MYOM2: variants seen among roughly 807,000 people sequenced by gnomAD.
The protein encoded by MYOM2 is myomesin-2.
Under a neutral mutation model 187.6 loss-of-function variants are expected in MYOM2, and 254 were observed. That is an observed-to-expected ratio of 1.35 (90% confidence interval 1.22 to 1.50). MYOM2 has a LOEUF of 1.50. Ranked by LOEUF, MYOM2 falls within the 40% of genes most tolerant of loss-of-function variation. The probability of loss-of-function intolerance (pLI) is 0.00; values close to 1 mark genes in which losing one functional copy is unlikely to be tolerated. For synonymous variants in MYOM2, 981 were observed against 753.8 expected, an observed-to-expected ratio of 1.30 and a Z score of -4.94; for missense variants, 2,796 against 1,924.0, an observed-to-expected ratio of 1.45 and a Z score of -8.48.
At chr8:2,120,689 A>ATATATAT in intron 28 of MYOM2, among the ~76,000 whole-genome samples, 7 of 42,414 alleles carry the variant, frequency 1.7e-4, no homozygotes, top group South Asian at 6.6e-4. Flanking sequence ...ATTATATATA[A>ATATATAT]ATATATAATA....
chr8:2,090,860 A>T (rs1796278161), intron 15 of MYOM2, among the ~76,000 whole-genome samples: 2 of 152,122 alleles, frequency 1.3e-5, no homozygotes, highest in Admixed American at 1.3e-4. Context: ...TTCTCTATCC[A>T]ATGTCATTGA....
At chr8:2,061,438 C>G (rs889044486) in intron 6 of MYOM2, among the ~76,000 whole-genome samples, 3 of 152,184 alleles carry the variant, frequency 2.0e-5, no homozygotes, top group African/African-American at 4.8e-5. Flanking sequence ...GTGCCCTCCC[C>G]CAGCATCCTT....
At chr8:2,083,686 T>A (rs1369465790) in intron 13 of MYOM2, among the ~76,000 whole-genome samples, 1 of 152,186 alleles carries the variant, frequency 6.6e-6, no homozygotes, top group African/African-American at 2.4e-5. Flanking sequence ...TGCTTCCCTC[T>A]CCCTGGCTCG....
intron 13 of MYOM2, among the ~76,000 whole-genome samples, chr8:2,082,532 C>A (rs933988746): frequency 5.3e-5 from 8 of 152,190 alleles, no homozygotes; most frequent in Admixed American, 4.6e-4. Context: ...GAGTTTTTCT[C>A]ACCATTTTAA....
chr8:2,138,410 C>T (rs995702018), intron 32 of MYOM2, among the ~76,000 whole-genome samples: 2 of 152,254 alleles, frequency 1.3e-5, no homozygotes, highest in Middle Eastern at 3.4e-3. Context: ...CGTGAGGCTC[C>T]CAGGTCAGCA....
intron 3 of MYOM2, 57 bp from the exon 4 acceptor site, chr8:2,057,291 G>C (rs1384104656): frequency 6.4e-7 from 1 of 1,554,096 alleles, no homozygotes; most frequent in African/African-American, 1.4e-5. Context: ...GGCCTTCGGG[G>C]GCCACGTGGT....
intron 27 of MYOM2, 80 bp downstream of exon 27, chr8:2,116,355 T>C (rs1797245525): frequency 2.9e-6 from 4 of 1,392,462 alleles, no homozygotes; most frequent in Non-Finnish European, 4.0e-6. Flanking sequence ...GAAGCAGATC[T>C]TGCATGATCC....
At chr8:2,139,134 A>G (rs554476613) in intron 32 of MYOM2, among the ~76,000 whole-genome samples, 2 of 151,924 alleles carry the variant, frequency 1.3e-5, no homozygotes, top group South Asian at 2.1e-4. Flanking sequence ...AGAGCCAAGC[A>G]TTTATTTTTA....
rs149971827 is a variant in MYOM2, at chr8:2,057,770, G to T, written c.550G>T (p.Val184Leu). The T allele has an allele frequency of 2.5e-6, 4 of 1,614,040 alleles. No individual in the cohort carries two copies. Among genetic ancestry groups the T allele is most frequent in the African/African-American group, 2.7e-5 (2 of 75,040 alleles). Residue 184 changes from valine to leucine, a missense_variant, in exon 5 of 37, where the codon GTG becomes TTG. Val to Leu is a conservative substitution (Grantham distance 32). Transcript: ENST00000262113. ...CACCGTGCAAGGATTTCCCACGCCC[G>T]TGGTGCAGTGGTGAGGGGCTCTGTT... ...CFTVQGFPTP[V>L]VQWYKDGSLI...
intron 32 of MYOM2, among the ~76,000 whole-genome samples, chr8:2,132,899 C>G (rs995760922): frequency 6.6e-6 from 1 of 152,218 alleles, no homozygotes; most frequent in Non-Finnish European, 1.5e-5. Context: ...GACACCTTCC[C>G]CGGCACATCT....
intron 1 of MYOM2, among the ~76,000 whole-genome samples, chr8:2,050,417 T>C (rs1818444239): frequency 6.6e-6 from 1 of 152,246 alleles, no homozygotes; most frequent in Admixed American, 6.5e-5. Context: ...TCTGCTTTAA[T>C]TATTTTTGTA....
chr8:2,087,126 G>C (rs569187867), intron 14 of MYOM2, among the ~76,000 whole-genome samples: 1 of 152,162 alleles, frequency 6.6e-6, no homozygotes, highest in Admixed American at 6.5e-5. Context: ...ACTTGGTGAC[G>C]ACCCCCTGTT....
At chr8:2,142,004 G>T (rs183484869) in intron 34 of MYOM2, among the ~76,000 whole-genome samples, 1 of 151,734 alleles carries the variant, frequency 6.6e-6, no homozygotes, top group African/African-American at 2.4e-5. Context: ...TGGGTGCAGG[G>T]ATGAGCAAGA....
At chr8:2,089,922 G>C in intron 14 of MYOM2, 86 bp from the exon 15 acceptor site, 3 of 1,340,576 alleles carry the variant, frequency 2.2e-6, no homozygotes, top group Non-Finnish European at 3.1e-6. Flanking sequence ...CTGGGATAGC[G>C]AGAACAGAGC....
chr8:2,058,447 G>A (rs771623147), intron 5 of MYOM2, among the ~76,000 whole-genome samples: 28 of 152,230 alleles, frequency 1.8e-4, no homozygotes, highest in Non-Finnish European at 3.2e-4. Flanking sequence ...AAACTCATAA[G>A]TGGAAAGCAT....
intron 15 of MYOM2, among the ~76,000 whole-genome samples, 155 bp from the exon 16 acceptor site, chr8:2,092,191 G>A (rs552727170): frequency 1.4e-4 from 22 of 151,908 alleles, no homozygotes; most frequent in South Asian, 4.2e-4. Flanking sequence ...TGGTCGGCCC[G>A]GGGCTCCTCT....
At chr8:2,113,387 G>A (rs3779830) in intron 25 of MYOM2, among the ~76,000 whole-genome samples, 2 of 152,148 alleles carry the variant, frequency 1.3e-5, no homozygotes, top group African/African-American at 4.8e-5. Context: ...ACATCCCAAA[G>A]GCTGAGTGAG....
At chr8:2,070,047 G>T (rs1331713411) in intron 8 of MYOM2, among the ~76,000 whole-genome samples, 1 of 152,208 alleles carries the variant, frequency 6.6e-6, no homozygotes, top group East Asian at 1.9e-4. Flanking sequence ...CTGTAATGAG[G>T]CGAAGCCCTC....
At chr8:2,142,147 A>G (rs146578638) in intron 34 of MYOM2, among the ~76,000 whole-genome samples, 1 of 152,080 alleles carries the variant, frequency 6.6e-6, no homozygotes, top group African/African-American at 2.4e-5. Context: ...TAGCATCTGG[A>G]TAATAGGGCA....
Sources: allele counts gnomAD v4.1 joint callset (sites outside exome capture counted in the v4.1 genomes callset), GRCh38; gene constraint gnomAD v4.1.1; transcripts MANE v1.5; gene names NCBI Gene and HGNC (gene_info 2026-07-23, HGNC 2026-07-21).